Variants in EFCAB8 observed in about 807,000 individuals in gnomAD.
The protein encoded by EFCAB8 is EF-hand calcium-binding domain-containing protein 8.
In EFCAB8, 100 loss-of-function variants were observed where a neutral mutation model predicts 116.3. The ratio of observed to expected loss-of-function variants is 0.86; its 90% CI spans 0.73 to 1.02. The LOEUF is 1.02. EFCAB8 is among the 50% of genes least tolerant of loss of function. The pLI, the probability that EFCAB8 is intolerant of heterozygous loss-of-function variation, is 0.00. For missense variants in EFCAB8, 1,320 were observed against 1,416.9 expected, an observed-to-expected ratio of 0.93 and a Z score of 1.10; for synonymous variants, 558 against 567.9, an observed-to-expected ratio of 0.98 and a Z score of 0.25.
chr20:32,915,896 C>T (rs1381923674), intron 17 of EFCAB8, among the ~76,000 whole-genome samples: 1 of 152,138 alleles, frequency 6.6e-6, no homozygotes, highest in East Asian at 1.9e-4. Flanking sequence ...TGGTCTTGAA[C>T]TCCTGGCCTC....
chr20:32,937,514 T>C (rs914304894), intron 22 of EFCAB8, among the ~76,000 whole-genome samples: 1 of 152,068 alleles, frequency 6.6e-6, no homozygotes, highest in Non-Finnish European at 1.5e-5. Context: ...ATATAGAAAA[T>C]CTGAATGTAA....
Position 32,889,556 on chromosome 20 carries a change from G to T in EFCAB8, c.673+150G>T, listed in dbSNP as rs185620593. 4.6e-4 allele frequency: 349 copies of T among 763,322 alleles called. 3 individuals carry two copies. In the East Asian group the frequency reaches 8.6e-3, roughly 19 times the overall value. 47.3% of individuals were successfully genotyped at this position (763,322 alleles called of 1,614,324 possible). The stretch of plus-strand genomic sequence containing the variant: ...GTGGAGAGGCCTTAGTGCCAAGTAG[G>T]CAGGGGGTGGTCGGTGAATGCTCGA... On this transcript the variant is annotated intron_variant, in intron 7 of 26. Coordinates refer to ENST00000400522, the MANE Select transcript of EFCAB8 (RefSeq NM_001143967.2).
chr20:32,931,438 AAAGAT>A, intron 22 of EFCAB8, 102 bp downstream of exon 22: 4 of 1,364,000 alleles, frequency 2.9e-6, no homozygotes, highest in Non-Finnish European at 3.9e-6. Context: ...ACACTTACTA[AAAGAT>A]AAGAGCAAAA....
rs1419181907 is a variant in EFCAB8 at position 32,917,302 on chromosome 20, T to C, written c.1858T>C (p.Phe620Leu). ...TCCTGCCTCTGGCCATATGCACAGG[T>C]TCCACAAGACCAAGCCAGTGCTCTT... is the stretch of plus-strand genomic sequence containing the variant. Reference protein sequence around the residue: ...GWSKRITHFLFHKTKPVLLCY... With the variant: ...GWSKRITHFLLHKTKPVLLCY... Residue 620 changes from phenylalanine (F) to leucine (L), a missense_variant and splice_region_variant, in exon 18 of 27, where the codon TTC becomes CTC. Phe to Leu is a conservative substitution (Grantham distance 22, BLOSUM62 0). Transcript: ENST00000400522. 7 of 1,551,018 alleles carry C rather than the reference T, an allele frequency of 4.5e-6. No homozygotes were observed. The highest frequency in any genetic ancestry group is 1.7e-4 in the Middle Eastern group (1 of 5,982).
At chr20:32,874,358 G>T (rs1984841906) in intron 3 of EFCAB8, among the ~76,000 whole-genome samples, 1 of 151,986 alleles carries the variant, frequency 6.6e-6, no homozygotes, top group African/African-American at 2.4e-5. Context: ...GACCAGCTGG[G>T]ACTACAGGCT....
chr20:32,959,307 G>A (rs971692463), intron 24 of EFCAB8, among the ~76,000 whole-genome samples: 5 of 152,214 alleles, frequency 3.3e-5, no homozygotes, highest in African/African-American at 9.7e-5. Flanking sequence ...AGTAAGGAAG[G>A]CTTCGTAGGA....
chr20:32,886,703 G>A (rs1028718915), intron 6 of EFCAB8, among the ~76,000 whole-genome samples: 1 of 152,152 alleles, frequency 6.6e-6, no homozygotes, highest in African/African-American at 2.4e-5. Flanking sequence ...GCTCCTGCTT[G>A]TGGCTGCTAC....
rs1985138967 is a variant in EFCAB8 at position 32,878,695 on chromosome 20, T to C, written c.328-9T>C. The C allele has an allele frequency of 6.4e-7, 1 of 1,550,868 alleles. No homozygotes were observed. Among genetic ancestry groups the C allele is most frequent in the East Asian group, 2.4e-5 (1 of 40,908 alleles). ...TACCCTGCCTCCCTTGTGCTTTCTT[T>C]CGAGGCAGCAAAAGTATGTGGATTA... On this transcript the variant is annotated splice_polypyrimidine_tract_variant and intron_variant, in intron 4 of 26. Coordinates refer to ENST00000400522, the MANE Select transcript of EFCAB8 (RefSeq NM_001143967.2).
In EFCAB8 at chr20:32,878,823, C is replaced by T; in HGVS notation, c.431+16C>T. ...TCGTCCCCCTGTAAGGAGCCTCTTC[C>T]TGGGCCTTGGTGGGTGGGGTGACTG... On this transcript the variant is annotated intron_variant, in intron 5 of 26. Coordinates refer to ENST00000400522, the MANE Select transcript of EFCAB8 (RefSeq NM_001143967.2). The T allele has an allele frequency of 1.9e-6, 3 of 1,550,356 alleles. No individual in the cohort carries two copies. The highest frequency in any genetic ancestry group is 1.7e-6 in the Non-Finnish European group (2 of 1,145,536).
intron 6 of EFCAB8, among the ~76,000 whole-genome samples, chr20:32,888,054 T>C (rs1985721808): frequency 6.6e-6 from 1 of 150,622 alleles, no homozygotes; most frequent in African/African-American, 2.4e-5. Flanking sequence ...CCTCTCTACA[T>C]ATCCCCCTTT....
intron 10 of EFCAB8, among the ~76,000 whole-genome samples, chr20:32,897,013 C>CCTG (rs893878942): frequency 5.9e-5 from 9 of 152,276 alleles, no homozygotes; most frequent in African/African-American, 1.9e-4. Flanking sequence ...CATCTGCTCT[C>CCTG]CTGCAGAGAC....
intron 20 of EFCAB8, among the ~76,000 whole-genome samples, chr20:32,924,413 CTAT>C (rs1288493838): frequency 6.6e-6 from 1 of 152,068 alleles, no homozygotes; most frequent in Non-Finnish European, 1.5e-5. Context: ...GAAGTATGTA[CTAT>C]TATTATTTAT....
At chr20:32,891,007 C>T (rs976581608) in intron 7 of EFCAB8, among the ~76,000 whole-genome samples, 2 of 152,250 alleles carry the variant, frequency 1.3e-5, no homozygotes, top group Non-Finnish European at 2.9e-5. Context: ...TGTGACCCGC[C>T]TGGGCTTTCC....
intron 19 of EFCAB8, among the ~76,000 whole-genome samples, chr20:32,919,074 A>C (rs1987332121): frequency 6.6e-6 from 1 of 152,188 alleles, no homozygotes; most frequent in Admixed American, 6.5e-5. Context: ...AATGGCTGAC[A>C]GTTCTATTTT....
At chr20:32,936,336 T>C (rs1448682770) in intron 22 of EFCAB8, among the ~76,000 whole-genome samples, 1 of 152,144 alleles carries the variant, frequency 6.6e-6, no homozygotes, top group Non-Finnish European at 1.5e-5. Flanking sequence ...GCCTGGCCTA[T>C]TTTTGCTTTT....
rs983166993 is a variant in EFCAB8 at position 32,959,745 on chromosome 20, G to A, written c.3090-33G>A. 2.1e-6 allele frequency: 3 copies of A among 1,433,864 alleles called. No homozygotes were observed. In the African/African-American group the frequency reaches 4.3e-5, roughly 21 times the overall value. 88.8% of individuals were successfully genotyped at this position (1,433,864 alleles called of 1,614,324 possible). A position where few individuals can be genotyped will look rare whatever the true frequency, so the allele number is the denominator to read the frequency against. On this transcript the variant is annotated intron_variant, in intron 24 of 26. Coordinates refer to ENST00000400522, the MANE Select transcript of EFCAB8 (RefSeq NM_001143967.2). ...GAGGGTCACCCTGCTTTGCAGTGGG[G>A]GGACATCTTGTGAAGGAAAGCCCCC...
chr20:32,912,219 C>G (rs1023070820), intron 16 of EFCAB8, among the ~76,000 whole-genome samples: 7 of 151,988 alleles, frequency 4.6e-5, no homozygotes, highest in Admixed American at 4.6e-4. Context: ...GGGGGATCAC[C>G]TGAGGCCAGG....
chr20:32,875,869 TGATGGGCC>T, intron 3 of EFCAB8, 49 bp from the exon 4 acceptor site: 1 of 1,479,486 alleles, frequency 6.8e-7, no homozygotes, highest in African/African-American at 1.4e-5. Context: ...TCCGTGGCAG[TGATGGGCC>T]GAGGGACTTG....
At chr20:32,888,580 T>C (rs1482895890) in intron 6 of EFCAB8, among the ~76,000 whole-genome samples, 2 of 152,126 alleles carry the variant, frequency 1.3e-5, no homozygotes, top group Non-Finnish European at 2.9e-5. Flanking sequence ...GGTCTCGAAC[T>C]CCTGGGCTCA....
Sources: allele counts gnomAD v4.1 joint callset (sites outside exome capture counted in the v4.1 genomes callset), GRCh38; gene constraint gnomAD v4.1.1; transcripts MANE v1.5; gene names NCBI Gene and HGNC (gene_info 2026-07-23, HGNC 2026-07-21).